The following CRIM1 variants were observed in gnomAD, a reference collection of about 807,000 sequenced individuals.
The protein encoded by CRIM1 is cysteine-rich motor neuron 1 protein.
A neutral mutation model predicts 116.4 loss-of-function variants in CRIM1; 32 were observed. The ratio of observed to expected loss-of-function variants is 0.27; its 90% CI spans 0.21 to 0.37. The LOEUF (loss-of-function observed/expected upper bound fraction) is 0.37. CRIM1 is among the 10% of genes least tolerant of loss of function. The pLI is 1.00. For missense variants in CRIM1, 1,331 were observed against 1,354.8 expected (o/e 0.98, Z 0.28); for synonymous variants, 590 against 509.2 (o/e 1.16, Z -2.13).
chr2:36,497,178 A>C (rs537530221), intron 7 of CRIM1, among the ~76,000 whole-genome samples: 1 of 152,216 alleles, frequency 6.6e-6, no homozygotes, highest in Non-Finnish European at 1.5e-5. Context: ...TGGTATGTGT[A>C]GATATGCTTA....
intron 13 of CRIM1, chr2:36,532,093 GT>G (rs1572943038): frequency 7.2e-6 from 3 of 419,512 alleles, no homozygotes; most frequent in African/African-American, 6.3e-5. Flanking sequence ...AGAAAAATAA[GT>G]AGCGAAGCCG....
At chr2:36,382,424 C>G (rs1229964997) in intron 1 of CRIM1, among the ~76,000 whole-genome samples, 1 of 152,198 alleles carries the variant, frequency 6.6e-6, no homozygotes, top group Non-Finnish European at 1.5e-5. Flanking sequence ...ACTTCTGTGC[C>G]CAGGGTAGTC....
At chr2:36,458,418 G>A (rs1041007298) in intron 4 of CRIM1, among the ~76,000 whole-genome samples, 1 of 152,110 alleles carries the variant, frequency 6.6e-6, no homozygotes, top group Non-Finnish European at 1.5e-5. Flanking sequence ...TTCCTTTAAG[G>A]TTTTTCTGGT....
At position 36,542,528 on chromosome 2, in the gene CRIM1, G is replaced by T. The variant is rs577091720; in HGVS notation, c.2624-1848G>T. Among the ~76,000 whole-genome samples the T allele has an allele frequency of 5.3e-5, 8 of 152,336 alleles. No individual in the cohort carries two copies. In the South Asian group the frequency reaches 1.7e-3, roughly 32 times the overall value. ...TCAGGAAAAAACCTGAGGTGGAACT[G>T]AATCAATCCCAGCTCTGGGGCCTCT... On this transcript the variant is annotated intron_variant, in intron 14 of 16. Coordinates refer to ENST00000280527, the MANE Select transcript of CRIM1 (RefSeq NM_016441.3).
chr2:36,491,993 C>G (rs1257194757), intron 7 of CRIM1, among the ~76,000 whole-genome samples: 1 of 152,066 alleles, frequency 6.6e-6, no homozygotes, highest in Non-Finnish European at 1.5e-5. Flanking sequence ...GAAAAAGATA[C>G]CCCACTCTAT....
chr2:36,418,093 G>A (rs372962801), intron 2 of CRIM1, among the ~76,000 whole-genome samples: 1 of 152,194 alleles, frequency 6.6e-6, no homozygotes, highest in Admixed American at 6.5e-5. Flanking sequence ...TTGGGACTAA[G>A]GGAACAGGTG....
At chr2:36,436,816 T>C (rs993565158) in intron 2 of CRIM1, among the ~76,000 whole-genome samples, 1 of 152,144 alleles carries the variant, frequency 6.6e-6, no homozygotes, top group Admixed American at 6.6e-5. Context: ...GCAGTAAGAC[T>C]ATAAATTAAA....
chr2:36,472,357 A>G (rs1009231559), intron 5 of CRIM1, among the ~76,000 whole-genome samples: 1 of 152,210 alleles, frequency 6.6e-6, no homozygotes, highest in African/African-American at 2.4e-5. Flanking sequence ...AAGAGCCTCT[A>G]TAAATCTCTT....
At chr2:36,434,224 C>A (rs1054415340) in intron 2 of CRIM1, among the ~76,000 whole-genome samples, 2 of 152,196 alleles carry the variant, frequency 1.3e-5, no homozygotes, top group African/African-American at 2.4e-5. Context: ...GAAAGTTCCT[C>A]CTTTTATCAC....
chr2:36,455,224 A>T (rs971696136), intron 4 of CRIM1, among the ~76,000 whole-genome samples: 2 of 152,160 alleles, frequency 1.3e-5, no homozygotes, highest in Non-Finnish European at 2.9e-5. Context: ...GGGTCACTGG[A>T]TTCCAAAAGA....
chr2:36,443,338 T>C (rs1676004167), intron 4 of CRIM1, among the ~76,000 whole-genome samples: 1 of 152,134 alleles, frequency 6.6e-6, no homozygotes, highest in Admixed American at 6.5e-5. Context: ...AACATGAGGA[T>C]CTCCGGGTCC....
At chr2:36,535,501 T>C (rs1666483098) in intron 13 of CRIM1, among the ~76,000 whole-genome samples, 1 of 152,212 alleles carries the variant, frequency 6.6e-6, no homozygotes, top group South Asian at 2.1e-4. Context: ...TAATAGATAC[T>C]GAAAAATTGA....
intron 12 of CRIM1, among the ~76,000 whole-genome samples, chr2:36,520,074 T>G (rs1186865954): frequency 6.6e-6 from 1 of 152,118 alleles, no homozygotes; most frequent in Non-Finnish European, 1.5e-5. Flanking sequence ...GTGGGTAAGA[T>G]TCCAAATGAC....
intron 14 of CRIM1, among the ~76,000 whole-genome samples, chr2:36,538,823 T>A (rs1384544063): frequency 6.6e-6 from 1 of 152,172 alleles, no homozygotes; most frequent in Non-Finnish European, 1.5e-5. Flanking sequence ...AGAAAAAATA[T>A]ATGGTTTTCC....
chr2:36,481,112 T>C (rs1025515199), intron 7 of CRIM1, among the ~76,000 whole-genome samples: 29 of 152,328 alleles, frequency 1.9e-4, no homozygotes, highest in African/African-American at 6.5e-4. Context: ...CCTTTTAACC[T>C]CATGGGTCTT....
rs770115645 is a variant in CRIM1 at position 36,356,568 on chromosome 2, C to T, written c.276C>T (p.Ile92=). The T allele has an allele frequency of 1.9e-6, 3 of 1,612,354 alleles. No homozygotes were observed. The East Asian group carries it at 6.7e-5, about 36-fold the overall frequency. ...GCGACCGGGGGCTGCGTTGTGTCAT[C>T]CGCCCCCCGCTCAATGGCGACTCCC... ...GTCDRGLRCV[I]RPPLNGDSLT... is the part of the protein sequence containing the mutation. Residue 92 remains isoleucine (I), a synonymous_variant, in exon 1 of 17, where the codon ATC becomes ATT. Transcript: ENST00000280527. The surrounding 1 kb of genome is among the most constrained non-coding windows in gnomAD (Gnocchi z 4.3).
intron 4 of CRIM1, among the ~76,000 whole-genome samples, chr2:36,462,997 A>G (rs1347377495): frequency 2.6e-5 from 4 of 152,200 alleles, no homozygotes; most frequent in Non-Finnish European, 5.9e-5. Flanking sequence ...CTCTACTCAC[A>G]CAAAACAGGC....
intron 1 of CRIM1, among the ~76,000 whole-genome samples, chr2:36,373,418 G>A (rs1670074859): frequency 6.6e-6 from 1 of 152,196 alleles, no homozygotes; most frequent in Non-Finnish European, 1.5e-5. Context: ...CAGTGATACA[G>A]ACAGCTGGCT....
chr2:36,372,675 C>T (rs561587121), intron 1 of CRIM1, among the ~76,000 whole-genome samples: 45 of 152,298 alleles, frequency 3.0e-4, no homozygotes, highest in Non-Finnish European at 5.4e-4. Context: ...TTTTCTGCTG[C>T]GGCATGGCCC....
Sources: allele counts gnomAD v4.1 joint callset (sites outside exome capture counted in the v4.1 genomes callset), GRCh38; gene constraint gnomAD v4.1.1; non-coding constraint Gnocchi (gnomAD v3.1); transcripts MANE v1.5; gene names NCBI Gene and HGNC (gene_info 2026-07-23, HGNC 2026-07-21).